The following REV3L variants were observed in gnomAD, a reference collection of about 807,000 sequenced individuals.
The protein encoded by REV3L is DNA polymerase zeta catalytic subunit.
A neutral mutation model predicts 299.4 loss-of-function variants in REV3L; 69 were observed. The observed-to-expected ratio is 0.23, with a 90% CI of 0.19 to 0.28. The LOEUF is 0.28. Ranked by LOEUF, REV3L falls within the 10% of genes least tolerant of loss-of-function variation. REV3L has a pLI of 1.00. For missense variants in REV3L, 3,128 were observed against 3,693.8 expected (o/e 0.85, Z 3.97); for synonymous variants, 1,238 against 1,271.4 (o/e 0.97, Z 0.56).
intron 25 of REV3L, among the ~76,000 whole-genome samples, chr6:111,326,432 G>A (rs1774823808): frequency 6.6e-6 from 1 of 151,952 alleles, no homozygotes; most frequent in African/African-American, 2.4e-5. Flanking sequence ...AGCTAAAATG[G>A]CTTTTATCCA....
At chr6:111,386,717 A>ATTTTT (rs67124715) in intron 9 of REV3L, among the ~76,000 whole-genome samples, 28 of 97,644 alleles carry the variant, frequency 2.9e-4, no homozygotes, top group East Asian at 5.4e-4. Context: ...TAACAGCACT[A>ATTTTT]TTTTTTTTTT....
At chr6:111,341,050 T>TTTG (rs890705337) in intron 21 of REV3L, among the ~76,000 whole-genome samples, 2 of 150,722 alleles carry the variant, frequency 1.3e-5, no homozygotes, top group Non-Finnish European at 3.0e-5. Flanking sequence ...TTTTTTTTTT[T>TTTG]TTTTGAGATG....
rs1172649094 is a variant in REV3L at position 111,470,857 on chromosome 6, G to GT, written c.139+11892dup. 3.3e-5 allele frequency among the ~76,000 whole-genome samples: 5 copies of GT among 152,144 alleles called. 1 individual carries two copies. The highest frequency in any genetic ancestry group is 1.2e-4 in the African/African-American group (5 of 41,420). ...TAGCCGGGTGTGGTGGCACGTGGCT[G>GT]TAATTCCAGCTACTTGGGAGGCTGA... On this transcript the variant is annotated intron_variant, in intron 1 of 31. Transcript: ENST00000368802.
chr6:111,422,635 T>TATATATATAC lies in REV3L; in HGVS notation c.140-6164_140-6163insGTATATATAT, dbSNP rs1785612810. Among the ~76,000 whole-genome samples, 21 of 19,630 alleles carry TATATATATAC rather than the reference T, an allele frequency of 1.1e-3. 5 individuals are homozygous for TATATATATAC. Among genetic ancestry groups the TATATATATAC allele is most frequent in the African/African-American group, 2.4e-3 (21 of 8,694 alleles). 12.9% of individuals were successfully genotyped at this position (19,630 alleles called of 152,430 possible). On this transcript the variant is annotated intron_variant, in intron 1 of 31. Transcript: ENST00000368802. ...ATACACATATATATATATATACACA[T>TATATATATAC]ATATATATATATACATATATATATA...
Position 111,482,771 on chromosome 6 carries a change from C to T in REV3L, c.118G>A (p.Val40Ile). 6.8e-7 allele frequency: 1 copy of T among 1,467,928 alleles called. No homozygotes were observed. Among genetic ancestry groups the T allele is most frequent in the Non-Finnish European group, 9.0e-7 (1 of 1,106,164 alleles). 90.9% of individuals were successfully genotyped at this position (1,467,928 alleles called of 1,614,324 possible). A position where few individuals can be genotyped will look rare whatever the true frequency, so the allele number is the denominator to read the frequency against. ...APVKKVPVVR[V>I]FGATPAGQKT... ...TTACCTGCCGGGGTCGCTCCGAAGA[C>T]TCGCACCACCGGCACCTTCTTGACA... Residue 40 changes from valine (V) to isoleucine (I), a missense_variant, in exon 1 of 32, where the codon GTC becomes ATC. Transcript: ENST00000368802.
At chr6:111,397,351 A>T (rs1299092221) in intron 4 of REV3L, among the ~76,000 whole-genome samples, 1 of 151,792 alleles carries the variant, frequency 6.6e-6, no homozygotes, top group Non-Finnish European at 1.5e-5. Flanking sequence ...TTCCTTCTTA[A>T]TTTCTTCATT....
rs1208392323 is a variant in REV3L at position 111,311,376 on chromosome 6, C to A, written c.8605-117G>T. The A allele has an allele frequency of 5.0e-6, 3 of 596,818 alleles. No homozygotes were observed. The African/African-American group carries it at 5.6e-5, about 11-fold the overall frequency. 37.0% of individuals were successfully genotyped at this position (596,818 alleles called of 1,614,324 possible). A position where few individuals can be genotyped will look rare whatever the true frequency, so the allele number is the denominator to read the frequency against. On this transcript the variant is annotated intron_variant, in intron 28 of 31. Transcript: ENST00000368802. Reference sequence around the variant, plus strand: ...TAACCTGCTAACCTACCTAAATAATCTGTTACTTACAATGATGGGATAATA... The same window carrying A: ...TAACCTGCTAACCTACCTAAATAATATGTTACTTACAATGATGGGATAATA...
rs746717036 is a variant in REV3L at position 111,373,637 on chromosome 6, C to T, written c.4718G>A (p.Arg1573Gln). The stretch of plus-strand genomic sequence containing the variant: ...TCTTGGGGACGTTACCGATCGTGTC[C>T]GTTTATTTGCTTTGTTATGCTCAAG... The part of the protein sequence containing the change: ...GSLEHNKANK[R>Q]TRSVTSPRKP... Residue 1573 changes from arginine to glutamine, a missense_variant, in exon 13 of 32, where the codon CGG becomes CAG. By Grantham distance (43) the Arg-to-Gln change is conservative (BLOSUM62 1). Transcript: ENST00000368802. 3.7e-5 allele frequency: 60 copies of T among 1,613,780 alleles called. No homozygotes were observed. The highest frequency in any genetic ancestry group is 4.7e-5 in the Non-Finnish European group (56 of 1,179,982).
At chr6:111,420,908 A>T (rs952475435) in intron 1 of REV3L, among the ~76,000 whole-genome samples, 1 of 152,146 alleles carries the variant, frequency 6.6e-6, no homozygotes, top group African/African-American at 2.4e-5. Context: ...TTGGGGGCTG[A>T]GGCAGGTAGA....
At position 111,338,260 on chromosome 6, in the gene REV3L, T is replaced by C. The variant is rs2114868659; in HGVS notation, c.7539-2650A>G. Among the ~76,000 whole-genome samples the C allele has an allele frequency of 1.3e-5, 2 of 148,766 alleles. 1 individual carries two copies. Among genetic ancestry groups the C allele is most frequent in the South Asian group, 4.2e-4 (2 of 4,750 alleles). The stretch of plus-strand genomic sequence containing the variant: ...GTTGACGATAATTTGTTTCGGAAAA[T>C]GTGTTTTAAAACATACTGGTTTATT... On this transcript the variant is annotated intron_variant, in intron 21 of 31. Coordinates refer to ENST00000368802, the MANE Select transcript of REV3L (RefSeq NM_001372078.1).
At chr6:111,461,544 A>G (rs1276114305) in intron 1 of REV3L, among the ~76,000 whole-genome samples, 1 of 152,068 alleles carries the variant, frequency 6.6e-6, no homozygotes, top group African/African-American at 2.4e-5. Flanking sequence ...TATAAAATCT[A>G]TAGCAATATA....
At chr6:111,428,671 G>A (rs73532789) in intron 1 of REV3L, among the ~76,000 whole-genome samples, 6 of 152,072 alleles carry the variant, frequency 3.9e-5, no homozygotes, top group African/African-American at 1.4e-4. Context: ...GAAAATACAT[G>A]AGGAGAAAAA....
chr6:111,326,486 G>T (rs533944073), intron 25 of REV3L, among the ~76,000 whole-genome samples: 1 of 152,172 alleles, frequency 6.6e-6, no homozygotes, highest in South Asian at 2.1e-4. Context: ...TGGAGAAAGG[G>T]GAACCCACTG....
chr6:111,324,361 A>C (rs1774507340), intron 25 of REV3L, among the ~76,000 whole-genome samples: 1 of 152,234 alleles, frequency 6.6e-6, no homozygotes, highest in Non-Finnish European at 1.5e-5. Flanking sequence ...AATCTTGAGA[A>C]TGTAAACTGT....
At chr6:111,398,328 T>C (rs1160920137) in intron 4 of REV3L, among the ~76,000 whole-genome samples, 2 of 151,924 alleles carry the variant, frequency 1.3e-5, no homozygotes, top group African/African-American at 4.8e-5. Context: ...ACATACTCAG[T>C]TGAAAAATGA....
intron 25 of REV3L, among the ~76,000 whole-genome samples, chr6:111,324,154 C>T (rs571019246): frequency 6.6e-6 from 1 of 152,286 alleles, no homozygotes; most frequent in Admixed American, 6.5e-5. Context: ...AGTGTGCCAC[C>T]ATGCCCAGCT....
intron 25 of REV3L, among the ~76,000 whole-genome samples, chr6:111,324,572 AGTGGTCTTAAATGT>A (rs1774530196): frequency 6.6e-6 from 1 of 152,232 alleles, no homozygotes; most frequent in Non-Finnish European, 1.5e-5. Flanking sequence ...ACATATACAT[AGTGGTCTTAAATGT>A]CTGCCTAATG....
intron 17 of REV3L, among the ~76,000 whole-genome samples, chr6:111,358,579 A>G (rs1160441254): frequency 2.0e-5 from 3 of 152,178 alleles, no homozygotes; most frequent in Non-Finnish European, 2.9e-5. Context: ...CCTGTTGCCC[A>G]GCCTCCCAGG....
intron 13 of REV3L, among the ~76,000 whole-genome samples, chr6:111,370,682 G>A (rs1779713716): frequency 6.6e-6 from 1 of 151,958 alleles, no homozygotes. Context: ...TCACTGTCGT[G>A]TTTTTTTAAT....
Sources: allele counts gnomAD v4.1 joint callset (sites outside exome capture counted in the v4.1 genomes callset), GRCh38; gene constraint gnomAD v4.1.1; transcripts MANE v1.5; gene names NCBI Gene and HGNC (gene_info 2026-07-23, HGNC 2026-07-21).